The following KIAA0586 variants were observed in gnomAD, a reference collection of about 807,000 sequenced individuals.
KIAA0586 encodes the protein KIAA0586, also known as protein TALPID3.
Under a neutral mutation model 169.8 loss-of-function variants are expected in KIAA0586, and 144 were observed. The observed-to-expected ratio is 0.85, with a 90% CI of 0.74 to 0.97. KIAA0586 has a LOEUF of 0.97. KIAA0586 is among the 50% of genes least tolerant of loss of function. The pLI, the probability that KIAA0586 is intolerant of heterozygous loss-of-function variation, is 0.00. For missense variants in KIAA0586, 1,854 were observed against 1,823.0 expected (o/e 1.02, Z -0.31); for synonymous variants, 625 against 612.4 (o/e 1.02, Z -0.30).
chr14:58,516,200 T>C (rs1289016653), intron 29 of KIAA0586, among the ~76,000 whole-genome samples: 1 of 152,152 alleles, frequency 6.6e-6, no homozygotes, highest in Non-Finnish European at 1.5e-5. Flanking sequence ...CACAGACCTC[T>C]AGAGAAAGAT....
At chr14:58,540,652 G>C (rs1008958081) in intron 30 of KIAA0586, among the ~76,000 whole-genome samples, 4 of 152,010 alleles carry the variant, frequency 2.6e-5, no homozygotes, top group Non-Finnish European at 5.9e-5. Context: ...TTTAAAATAA[G>C]CATTTGTCAA....
chr14:58,464,453 G>C (rs1230559075), intron 14 of KIAA0586, among the ~76,000 whole-genome samples: 1 of 149,584 alleles, frequency 6.7e-6, no homozygotes, highest in African/African-American at 2.4e-5. Context: ...CATGTTAAAA[G>C]TAAAAATGTA....
In KIAA0586 at chr14:58,465,911, A is replaced by T; in HGVS notation, c.2136A>T (p.Lys712Asn). The T allele has an allele frequency of 6.2e-7, 1 of 1,613,028 alleles. No individual in the cohort carries two copies. Among genetic ancestry groups the T allele is most frequent in the Non-Finnish European group, 8.5e-7 (1 of 1,179,212 alleles). The change falls in exon 15 of 31, where the codon AAA becomes AAT. Residue 712 changes from lysine to asparagine, a missense_variant. Transcript: ENST00000652326. ...TKPKKMDSKM[K>N]HSVPVLPHGD... ...CTAAGAAGATGGATTCTAAAATGAA[A>T]CATTCTGTTCCTGTGTTACCTCATG...
intron 26 of KIAA0586, among the ~76,000 whole-genome samples, chr14:58,497,988 C>T (rs1287452090): frequency 6.6e-6 from 1 of 151,660 alleles, no homozygotes; most frequent in Non-Finnish European, 1.5e-5. Context: ...CACCATTCTC[C>T]TGCCTCAGCC....
chr14:58,435,246 A>T (rs2037726942), intron 4 of KIAA0586, among the ~76,000 whole-genome samples: 1 of 152,232 alleles, frequency 6.6e-6, no homozygotes. Flanking sequence ...ATCTATTAAT[A>T]CATTTATATC....
chr14:58,450,983 C>CTTTTTT (rs10712126), intron 8 of KIAA0586, among the ~76,000 whole-genome samples: 2 of 85,390 alleles, frequency 2.3e-5, no homozygotes, highest in African/African-American at 4.5e-5. Context: ...GTTTTGTTAA[C>CTTTTTT]TTTTTTTTTT....
intron 15 of KIAA0586, among the ~76,000 whole-genome samples, chr14:58,467,294 T>G (rs1437228674): frequency 6.6e-6 from 1 of 152,038 alleles, no homozygotes; most frequent in East Asian, 1.9e-4. Context: ...CACAAAAGGG[T>G]TACATAATTT....
At chr14:58,552,666 C>G (rs1288602024), downstream of KIAA0586, among the ~76,000 whole-genome samples, 1 of 152,196 alleles carries the variant, frequency 6.6e-6, no homozygotes, top group Non-Finnish European at 1.5e-5. Flanking sequence ...AACGAGACTT[C>G]TGAAGAGACC....
At chr14:58,542,890 C>T (rs1224160969) in intron 30 of KIAA0586, among the ~76,000 whole-genome samples, 1 of 151,996 alleles carries the variant, frequency 6.6e-6, no homozygotes, top group African/African-American at 2.4e-5. Flanking sequence ...ACCTGTAATC[C>T]CAGCACTTTG....
At chr14:58,446,470 CT>C (rs1017143324) in intron 6 of KIAA0586, among the ~76,000 whole-genome samples, 42 of 151,934 alleles carry the variant, frequency 2.8e-4, no homozygotes, top group African/African-American at 9.6e-4. Flanking sequence ...GTACTCCAGC[CT>C]GGGTGACAGA....
At chr14:58,459,217 A>G (rs913392766) in intron 12 of KIAA0586, among the ~76,000 whole-genome samples, 3 of 152,292 alleles carry the variant, frequency 2.0e-5, no homozygotes, top group African/African-American at 7.2e-5. Flanking sequence ...CTGTTTCCAT[A>G]GCAATAAACA....
intron 4 of KIAA0586, among the ~76,000 whole-genome samples, chr14:58,432,786 C>T (rs368347841): frequency 5.3e-5 from 8 of 152,286 alleles, no homozygotes; most frequent in South Asian, 2.1e-4. Flanking sequence ...GGCACAATCT[C>T]GGCTCACTGC....
downstream of KIAA0586, among the ~76,000 whole-genome samples, chr14:58,554,505 T>C (rs1340234938): frequency 6.6e-6 from 1 of 152,102 alleles, no homozygotes; most frequent in African/African-American, 2.4e-5. Context: ...TGACAAAAAA[T>C]AGTTCTTGGT....
intron 30 of KIAA0586, among the ~76,000 whole-genome samples, chr14:58,543,511 T>C (rs916989481): frequency 1.3e-5 from 2 of 152,186 alleles, no homozygotes; most frequent in African/African-American, 4.8e-5. Flanking sequence ...TCTTATCCCC[T>C]CTGCCTTTTA....
In KIAA0586 at chr14:58,484,049, T is replaced by C. The variant is rs1453287155; in HGVS notation, c.3144+1337T>C. On this transcript the variant is annotated intron_variant, in intron 21 of 30. Coordinates refer to ENST00000652326, the MANE Select transcript of KIAA0586 (RefSeq NM_001329943.3). ...GTTTGCTTTCTGCCTATATATATTGTATATATTTTCATGAGGGTGATTGGA... is the reference window on the plus strand; with the variant it reads ...GTTTGCTTTCTGCCTATATATATTGCATATATTTTCATGAGGGTGATTGGA... Among the ~76,000 whole-genome samples, 3 of 152,170 alleles carry C rather than the reference T, an allele frequency of 2.0e-5. No individual in the cohort carries two copies. In the East Asian group the frequency reaches 5.8e-4, roughly 29 times the overall value.
upstream of KIAA0586, chr14:58,427,423 C>A (rs576698866): frequency 1.0e-4 from 61 of 608,790 alleles, 1 homozygote; most frequent in South Asian, 8.9e-4. Context: ...TCTTCGGAAG[C>A]GAAGCAGTGT....
chr14:58,507,086 T>C (rs746167334), intron 27 of KIAA0586, among the ~76,000 whole-genome samples: 60 of 151,120 alleles, frequency 4.0e-4, no homozygotes, highest in South Asian at 1.5e-3. Flanking sequence ...AAGTCAAGGA[T>C]GCAGGGGGCC....
rs942760815 is a variant in KIAA0586 at position 58,550,415 on chromosome 14, A to G, written c.*2483A>G. ...AGACGATGTACGTAAAAACAAACTAAATGGAACTTTTGATTTTATAAGCTT... is the reference window on the plus strand; with the variant it reads ...AGACGATGTACGTAAAAACAAACTAGATGGAACTTTTGATTTTATAAGCTT... On this transcript the variant is annotated 3_prime_UTR_variant, in exon 31 of 31. Transcript: ENST00000652326. 6.6e-6 allele frequency: 1 copy of G among 152,244 alleles called. No individual in the cohort carries two copies. Among genetic ancestry groups the G allele is most frequent in the African/African-American group, 2.4e-5 (1 of 41,464 alleles). The allele number at this position is 152,244 out of a possible 1,614,324, so 9.4% of individuals were successfully genotyped here.
rs143394433 is a variant in KIAA0586, at chr14:58,494,949, T to A, written c.3990+2674T>A. On this transcript the variant is annotated intron_variant, in intron 26 of 30. Coordinates refer to ENST00000652326, the MANE Select transcript of KIAA0586 (RefSeq NM_001329943.3). Reference sequence around the variant, plus strand: ...ATGGAGGAAGAAACAATGACTTTTCTCCATTCATTCCTCTCACAAAGCCCC... The same window carrying A: ...ATGGAGGAAGAAACAATGACTTTTCACCATTCATTCCTCTCACAAAGCCCC... Among the ~76,000 whole-genome samples, 28 of 152,274 alleles carry A rather than the reference T, an allele frequency of 1.8e-4. 1 individual carries two copies. In the South Asian group the frequency reaches 2.5e-3, roughly 14 times the overall value.
Sources: allele counts gnomAD v4.1 joint callset (sites outside exome capture counted in the v4.1 genomes callset), GRCh38; gene constraint gnomAD v4.1.1; transcripts MANE v1.5; gene names NCBI Gene and HGNC (gene_info 2026-07-23, HGNC 2026-07-21).